Variants in CCSER1 observed in about 807,000 individuals in gnomAD.
The protein encoded by CCSER1 is coiled-coil serine rich protein 1, also known as serine-rich coiled-coil domain-containing protein 1.
Under a neutral mutation model 82.0 loss-of-function variants are expected in CCSER1, and 41 were observed. That is an observed-to-expected ratio of 0.50 (90% CI 0.39 to 0.65). The LOEUF (loss-of-function observed/expected upper bound fraction) is 0.65, where lower values mean the gene tolerates loss of function less well. Ranked by LOEUF, CCSER1 falls within the 30% of genes least tolerant of loss-of-function variation. The pLI, the probability that CCSER1 is intolerant of heterozygous loss-of-function variation, is 0.00. For missense variants in CCSER1, 1,119 were observed against 1,064.2 expected (o/e 1.05, Z -0.72); for synonymous variants, 414 against 383.9 (o/e 1.08, Z -0.92).
chr4:90,731,302 A>T (rs772031563), intron 7 of CCSER1, among the ~76,000 whole-genome samples: 1 of 152,176 alleles, frequency 6.6e-6, no homozygotes, highest in Non-Finnish European at 1.5e-5. Flanking sequence ...GAGATTAGTA[A>T]AATCTTATTT....
intron 6 of CCSER1, among the ~76,000 whole-genome samples, chr4:90,713,439 AT>A (rs1349394257): frequency 1.3e-5 from 2 of 151,578 alleles, no homozygotes; most frequent in Non-Finnish European, 2.9e-5. Context: ...TATGTTGGAA[AT>A]TTTTTTCCTT....
chr4:91,188,293 C>A (rs958509706), intron 10 of CCSER1, among the ~76,000 whole-genome samples: 6 of 152,082 alleles, frequency 3.9e-5, no homozygotes, highest in South Asian at 2.1e-4. Context: ...TTGTCTATAA[C>A]AATACTATAT....
chr4:91,523,713 T>C (rs948139831), intron 10 of CCSER1, among the ~76,000 whole-genome samples: 4 of 152,202 alleles, frequency 2.6e-5, no homozygotes, highest in Non-Finnish European at 5.9e-5. Flanking sequence ...GTGGGATCGA[T>C]GGTGATATCC....
intron 1 of CCSER1, among the ~76,000 whole-genome samples, chr4:90,257,468 T>C (rs1723528478): frequency 6.6e-6 from 1 of 152,070 alleles, no homozygotes; most frequent in Admixed American, 6.6e-5. Context: ...AGATTAATTA[T>C]GGTCTAAATA....
intron 4 of CCSER1, among the ~76,000 whole-genome samples, chr4:90,431,264 A>G (rs578235012): frequency 6.6e-6 from 1 of 152,198 alleles, no homozygotes; most frequent in South Asian, 2.1e-4. Context: ...TTTACTTGAA[A>G]TCTCAGCTGT....
chr4:91,350,268 A>G (rs1316025781), intron 10 of CCSER1, among the ~76,000 whole-genome samples: 1 of 152,166 alleles, frequency 6.6e-6, no homozygotes, highest in Non-Finnish European at 1.5e-5. Context: ...ATTTTGTGTT[A>G]ATTCTTCTGA....
chr4:91,413,507 A>AC (rs1289196412), intron 10 of CCSER1, among the ~76,000 whole-genome samples: 3 of 149,992 alleles, frequency 2.0e-5, no homozygotes, highest in Admixed American at 6.6e-5. Flanking sequence ...AACAACAACA[A>AC]AAAAAAACAA....
intron 10 of CCSER1, among the ~76,000 whole-genome samples, chr4:91,431,016 A>C (rs1382457944): frequency 2.6e-5 from 4 of 151,964 alleles, no homozygotes; most frequent in Non-Finnish European, 4.4e-5. Context: ...GTGGGCGGAT[A>C]ACGAGGTCAG....
intron 10 of CCSER1, among the ~76,000 whole-genome samples, chr4:91,246,827 T>TACACACACACAC (rs34278711): frequency 1.5e-4 from 22 of 144,170 alleles, no homozygotes; most frequent in African/African-American, 4.6e-4. Context: ...CATACACACA[T>TACACACACACAC]ACACACACAC....
intron 1 of CCSER1, among the ~76,000 whole-genome samples, chr4:90,300,856 C>T (rs141597262): frequency 9.9e-5 from 15 of 152,140 alleles, no homozygotes; most frequent in African/African-American, 2.2e-4. Context: ...GACAGGGTCT[C>T]GCTCTGTCAC....
intron 10 of CCSER1, among the ~76,000 whole-genome samples, chr4:91,361,544 GAAAT>G (rs1749243749): frequency 6.6e-6 from 1 of 151,852 alleles, no homozygotes; most frequent in Admixed American, 6.6e-5. Context: ...CAGGATGTGA[GAAAT>G]AAAAAGCTGT....
chr4:90,401,684 C>T (rs1173874602), intron 4 of CCSER1, among the ~76,000 whole-genome samples: 1 of 151,972 alleles, frequency 6.6e-6, no homozygotes, highest in East Asian at 1.9e-4. Flanking sequence ...CAAATGCATG[C>T]CACCACATCC....
At chr4:91,135,763 A>C (rs182777876) in intron 10 of CCSER1, among the ~76,000 whole-genome samples, 65 of 152,280 alleles carry the variant, frequency 4.3e-4, no homozygotes, top group African/African-American at 1.5e-3. Flanking sequence ...TACATGGCTA[A>C]GATATTCACA....
intron 3 of CCSER1, among the ~76,000 whole-genome samples, chr4:90,339,320 C>G: frequency 6.6e-6 from 1 of 152,146 alleles, no homozygotes; most frequent in East Asian, 1.9e-4. Flanking sequence ...GGAGTCTTGC[C>G]ATCGCCTCCC....
chr4:91,112,259 CT>C (rs1368155970), intron 10 of CCSER1, among the ~76,000 whole-genome samples: 1 of 152,054 alleles, frequency 6.6e-6, no homozygotes, highest in African/African-American at 2.4e-5. Context: ...TCCTAAAGAT[CT>C]TTGTCTTGTA....
chr4:90,430,816 G>A (rs539732754), intron 4 of CCSER1, among the ~76,000 whole-genome samples: 2 of 151,954 alleles, frequency 1.3e-5, no homozygotes, highest in African/African-American at 2.4e-5. Flanking sequence ...TAATTTTAGG[G>A]AATTATATTT....
At chr4:90,638,331 A>G (rs1348886453) in intron 6 of CCSER1, among the ~76,000 whole-genome samples, 5 of 152,172 alleles carry the variant, frequency 3.3e-5, no homozygotes, top group South Asian at 2.1e-4. Context: ...ATGGCAACAC[A>G]TGAAATATCA....
intron 5 of CCSER1, among the ~76,000 whole-genome samples, chr4:90,512,889 C>T (rs1038691779): frequency 2.0e-5 from 3 of 152,090 alleles, no homozygotes; most frequent in Non-Finnish European, 4.4e-5. Context: ...ACAAATAACA[C>T]ATTTATTTAT....
chr4:91,282,519 GA>G (rs1363974532), intron 10 of CCSER1, among the ~76,000 whole-genome samples: 1 of 152,096 alleles, frequency 6.6e-6, no homozygotes, highest in African/African-American at 2.4e-5. Context: ...TCGCTCTTCA[GA>G]GCAAAATGTA....
Sources: gnomAD v4.1 joint callset for allele counts (sites outside exome capture counted in the v4.1 genomes callset) on GRCh38, gnomAD v4.1.1 for gene constraint, MANE v1.5 for transcripts, NCBI Gene and HGNC (gene_info 2026-07-23, HGNC 2026-07-21) for gene names.